PTPRQ: variants seen among roughly 807,000 people sequenced by gnomAD.
PTPRQ encodes phosphatidylinositol phosphatase PTPRQ.
PTPRQ carries 199 observed loss-of-function variants against 246.0 expected under a neutral mutation model. The ratio of observed to expected loss-of-function variants is 0.81; its 90% confidence interval spans 0.72 to 0.91. PTPRQ has a LOEUF of 0.91. PTPRQ is among the 40% of genes least tolerant of loss of function. The pLI is 0.00. For synonymous variants in PTPRQ, 869 were observed against 853.2 expected (o/e 1.02, Z -0.32); for missense variants, 2,624 against 2,528.4 (o/e 1.04, Z -0.81).
intron 25 of PTPRQ, among the ~76,000 whole-genome samples, chr12:80,587,303 T>G (rs1897653284): frequency 6.6e-6 from 1 of 152,220 alleles, no homozygotes; most frequent in South Asian, 2.1e-4. Flanking sequence ...TGTCATCATT[T>G]TGATTCTCTT....
rs998741590 is a variant in PTPRQ at position 80,616,257 on chromosome 12, G to T, written c.5221G>T (p.Asp1741Tyr). 1.5e-5 allele frequency: 23 copies of T among 1,485,698 alleles called. No individual in the cohort carries two copies. The highest frequency in any genetic ancestry group is 2.7e-6 in the Non-Finnish European group (3 of 1,115,972). The allele number at this position is 1,485,698 out of a possible 1,614,324, so 92.0% of individuals were successfully genotyped here. Residue 1741 changes from aspartate (D) to tyrosine (Y), a missense_variant, in exon 30 of 45, where the codon GAT becomes TAT. Physicochemically the swap from Asp to Tyr is radical, Grantham distance 160. Coordinates refer to ENST00000644991, the MANE Select transcript of PTPRQ (RefSeq NM_001145026.2). ...AAAGGTTCCGATGAGAATAACCATG[G>T]ATATCAAAGGTACATACATGAGCTA... Reference protein sequence around the residue: ...GPKVPMRITMDIKAPARPKTK... With the variant: ...GPKVPMRITMYIKAPARPKTK...
At chr12:80,607,277 A>G (rs1898359812) in intron 27 of PTPRQ, among the ~76,000 whole-genome samples, 1 of 150,984 alleles carries the variant, frequency 6.6e-6, no homozygotes. Flanking sequence ...ATGGTTTGAC[A>G]GGAGAAAGGG....
chr12:80,540,401 C>T (rs1896117400), intron 20 of PTPRQ, among the ~76,000 whole-genome samples: 1 of 152,026 alleles, frequency 6.6e-6, no homozygotes. Flanking sequence ...AGAAGTTTCT[C>T]GTATGCATCT....
At chr12:80,472,573 A>G (rs1185829509) in intron 8 of PTPRQ, among the ~76,000 whole-genome samples, 1 of 152,192 alleles carries the variant, frequency 6.6e-6, no homozygotes, top group Non-Finnish European at 1.5e-5. Flanking sequence ...GTTTAACTAC[A>G]TTTTTAAATG....
chr12:80,493,236 A>G lies in PTPRQ; in HGVS notation c.1360-39A>G, dbSNP rs780675030. ...TACTTGATTTAAGTCATGAAGTGTAACTGTCACAGTCTTTTAAAATATCTA... is the reference window on the plus strand; with the variant it reads ...TACTTGATTTAAGTCATGAAGTGTAGCTGTCACAGTCTTTTAAAATATCTA... On this transcript the variant is annotated intron_variant, in intron 9 of 44. Coordinates refer to ENST00000644991, the MANE Select transcript of PTPRQ (RefSeq NM_001145026.2). 1.2e-5 allele frequency: 17 copies of G among 1,384,746 alleles called. 1 individual carries two copies. The South Asian group carries it at 3.1e-4, about 26-fold the overall frequency. 85.8% of individuals were successfully genotyped at this position (1,384,746 alleles called of 1,614,324 possible). A position where few individuals can be genotyped will look rare whatever the true frequency, so the allele number is the denominator to read the frequency against.
intron 35 of PTPRQ, among the ~76,000 whole-genome samples, chr12:80,648,247 G>C (rs546294145): frequency 6.6e-6 from 1 of 151,926 alleles, no homozygotes; most frequent in South Asian, 2.1e-4. Flanking sequence ...TTTTTGCAGT[G>C]CTAATTTGTT....
chr12:80,573,720 T>C (rs1054095791), intron 25 of PTPRQ, among the ~76,000 whole-genome samples: 3 of 152,188 alleles, frequency 2.0e-5, no homozygotes, highest in Non-Finnish European at 4.4e-5. Flanking sequence ...TTATTCATGA[T>C]GTGAATTGTG....
chr12:80,500,783 C>T (rs1053882924), intron 14 of PTPRQ, among the ~76,000 whole-genome samples: 3 of 151,978 alleles, frequency 2.0e-5, no homozygotes, highest in African/African-American at 7.2e-5. Flanking sequence ...GTAAACAAGA[C>T]ACAATAAATC....
At chr12:80,620,116 T>A in intron 31 of PTPRQ, 38 bp from the exon 32 acceptor site, 1 of 1,505,304 alleles carries the variant, frequency 6.6e-7, no homozygotes, top group Non-Finnish European at 8.9e-7. Flanking sequence ...TATTCATATG[T>A]TACTTGGAAT....
At chr12:80,450,967 T>C (rs1892744747) in intron 3 of PTPRQ, among the ~76,000 whole-genome samples, 2 of 152,250 alleles carry the variant, frequency 1.3e-5, no homozygotes, top group Admixed American at 6.5e-5. Flanking sequence ...CAGTTCCTCC[T>C]TGTACCTCTG....
At chr12:80,549,785 A>T in intron 25 of PTPRQ, 51 bp downstream of exon 25, 1 of 1,486,868 alleles carries the variant, frequency 6.7e-7, no homozygotes, top group Middle Eastern at 1.8e-4. Flanking sequence ...CTATTTGGGG[A>T]TTGTGTCAAT....
intron 3 of PTPRQ, among the ~76,000 whole-genome samples, chr12:80,447,131 T>C (rs1892578901): frequency 6.6e-6 from 1 of 152,148 alleles, no homozygotes; most frequent in South Asian, 2.1e-4. Flanking sequence ...CATTGTGGTT[T>C]TAATTTACAT....
Position 80,613,574 on chromosome 12 carries a change from TTAAA to T in PTPRQ, c.4919-15_4919-12del. 6.7e-7 allele frequency: 1 copy of T among 1,488,584 alleles called. No homozygotes were observed. Among genetic ancestry groups the T allele is most frequent in the Non-Finnish European group, 9.0e-7 (1 of 1,116,736 alleles). 92.2% of individuals were successfully genotyped at this position (1,488,584 alleles called of 1,614,324 possible). A position where few individuals can be genotyped will look rare whatever the true frequency, so the allele number is the denominator to read the frequency against. ...ATACAATATTTTTAAAAATTAATTG[TTAAA>T]TATTTTATTTTAGCCCCAAAGGACC... On this transcript the variant is annotated splice_polypyrimidine_tract_variant and intron_variant, in intron 28 of 44. Coordinates refer to ENST00000644991, the MANE Select transcript of PTPRQ (RefSeq NM_001145026.2).
chr12:80,473,035 ACT>A (rs747694708), intron 8 of PTPRQ, among the ~76,000 whole-genome samples: 5,225 of 106,324 alleles, frequency 0.049, 102 homozygotes, highest in Middle Eastern at 0.11. Flanking sequence ...ACACACACAC[ACT>A]CACACACACG....
intron 35 of PTPRQ, among the ~76,000 whole-genome samples, chr12:80,643,200 G>A (rs1375637294): frequency 2.0e-5 from 3 of 152,120 alleles, no homozygotes; most frequent in Admixed American, 2.0e-4. Context: ...CACTTTGGGA[G>A]GTCGAGGCGG....
intron 3 of PTPRQ, among the ~76,000 whole-genome samples, chr12:80,449,783 A>G (rs1181837243): frequency 1.6e-4 from 24 of 152,012 alleles, no homozygotes; most frequent in South Asian, 2.1e-4. Context: ...CTGTAGCCTT[A>G]TAGTATAGTT....
At chr12:80,591,848 G>A (rs1351127172) in intron 26 of PTPRQ, among the ~76,000 whole-genome samples, 1 of 152,102 alleles carries the variant, frequency 6.6e-6, no homozygotes, top group Non-Finnish European at 1.5e-5. Flanking sequence ...ATCTCACTTG[G>A]GGAGTACCTG....
intron 25 of PTPRQ, among the ~76,000 whole-genome samples, chr12:80,551,775 C>T (rs933570813): frequency 1.3e-5 from 2 of 151,790 alleles, no homozygotes; most frequent in South Asian, 2.1e-4. Flanking sequence ...TAGCTGATGT[C>T]TCCAGCCAAA....
At chr12:80,566,127 A>T (rs369842146) in intron 25 of PTPRQ, among the ~76,000 whole-genome samples, 4 of 152,226 alleles carry the variant, frequency 2.6e-5, no homozygotes, top group African/African-American at 9.7e-5. Context: ...TATAATAAAT[A>T]TTATTCCATA....
Sources: allele counts gnomAD v4.1 joint callset (sites outside exome capture counted in the v4.1 genomes callset), GRCh38; gene constraint gnomAD v4.1.1; transcripts MANE v1.5; gene names NCBI Gene and HGNC (gene_info 2026-07-23, HGNC 2026-07-21).